TAS2R1: variants seen among roughly 807,000 people sequenced by gnomAD.
TAS2R1 encodes taste 2 receptor member 1.
For missense variants in TAS2R1, 370 were observed against 353.4 expected, an observed-to-expected ratio of 1.05 and a Z score of -0.38; for synonymous variants, 141 against 134.2, an observed-to-expected ratio of 1.05 and a Z score of -0.35.
the TAS2R1 span, among the ~76,000 whole-genome samples, chr5:9,744,426 T>C: frequency 6.6e-6 from 1 of 152,206 alleles, no homozygotes; most frequent in Non-Finnish European, 1.5e-5. Context: ...AACCCAACTA[T>C]TCTTTTCAAC....
At chr5:9,769,245 G>C in the TAS2R1 span, among the ~76,000 whole-genome samples, 1 of 152,018 alleles carries the variant, frequency 6.6e-6, no homozygotes, top group Non-Finnish European at 1.5e-5. Flanking sequence ...CAAATGACAG[G>C]ATCTCATTCT....
At chr5:9,812,830 C>T in the TAS2R1 span, among the ~76,000 whole-genome samples, 1 of 152,242 alleles carries the variant, frequency 6.6e-6, no homozygotes, top group South Asian at 2.1e-4. Context: ...ACCATGCCTC[C>T]CAGTTTTTTT....
chr5:9,830,062 C>A, the TAS2R1 span, among the ~76,000 whole-genome samples: 1 of 152,084 alleles, frequency 6.6e-6, no homozygotes, highest in Non-Finnish European at 1.5e-5. Flanking sequence ...AGGTGGGAGG[C>A]CACAAGCATT....
chr5:9,682,302 G>C (rs1741009157), intron 1 of TAS2R1, among the ~76,000 whole-genome samples: 1 of 152,218 alleles, frequency 6.6e-6, no homozygotes. Flanking sequence ...TAGCTAAGCA[G>C]CTTTTTAATA....
rs191214941 is a variant in TAS2R1 at position 9,652,846 on chromosome 5, A to G, written c.-81+6575T>C. 2.2e-3 allele frequency among the ~76,000 whole-genome samples: 328 copies of G among 152,046 alleles called. 1 individual carries two copies. The highest frequency in any genetic ancestry group is 7.7e-3 in the African/African-American group (317 of 41,370). On this transcript the variant is annotated intron_variant, in intron 2 of 2. Coordinates refer to the TAS2R1 transcript ENST00000506620. ...TATGCATTTTTCTTCTGTTGCATTT[A>G]CTTTTCTAAAAAATATTATTTTAAT...
intron 2 of TAS2R1, among the ~76,000 whole-genome samples, chr5:9,650,202 G>T (rs567865517): frequency 1.3e-5 from 2 of 152,092 alleles, no homozygotes; most frequent in African/African-American, 4.8e-5. Flanking sequence ...ATATTCTAAC[G>T]TTGCTTAAGA....
intron 1 of TAS2R1, among the ~76,000 whole-genome samples, chr5:9,692,250 C>A (rs1741261249): frequency 6.6e-6 from 1 of 152,190 alleles, no homozygotes; most frequent in African/African-American, 2.4e-5. Flanking sequence ...CAGAGGCCAA[C>A]TATATACATA....
At chr5:9,812,089 T>C in the TAS2R1 span, among the ~76,000 whole-genome samples, 11 of 152,130 alleles carry the variant, frequency 7.2e-5, no homozygotes, top group African/African-American at 2.7e-4. Flanking sequence ...TTATTTTCTA[T>C]GAATTCACCC....
Position 9,640,670 on chromosome 5 carries a change from G to T in TAS2R1, c.-80-10678C>A, listed in dbSNP as rs943956699. Among the ~76,000 whole-genome samples, 8 of 152,124 alleles carry T rather than the reference G, an allele frequency of 5.3e-5. No individual in the cohort carries two copies. In the East Asian group the frequency reaches 1.5e-3, roughly 29 times the overall value. ...TATCACTGCACCTGTCCTTTCTATT[G>T]CAAATCTTGGTTAACCCACCTGCGC... is the stretch of plus-strand genomic sequence containing the variant. On this transcript the variant is annotated intron_variant, in intron 2 of 2. Transcript: ENST00000506620.
At chr5:9,737,420 C>A in the TAS2R1 span, among the ~76,000 whole-genome samples, 1 of 152,218 alleles carries the variant, frequency 6.6e-6, no homozygotes, top group South Asian at 2.1e-4. Context: ...TCAATTATAA[C>A]AATGTCATAA....
chr5:9,742,122 T>C, the TAS2R1 span, among the ~76,000 whole-genome samples: 1 of 152,010 alleles, frequency 6.6e-6, no homozygotes, highest in African/African-American at 2.4e-5. Flanking sequence ...TGACCTCAGG[T>C]GATCTGCCCG....
At chr5:9,660,748 T>C (rs766851164) in intron 1 of TAS2R1, among the ~76,000 whole-genome samples, 9 of 152,178 alleles carry the variant, frequency 5.9e-5, no homozygotes, top group Non-Finnish European at 1.3e-4. Flanking sequence ...TCTGAGTGGA[T>C]CCAGTCTAAT....
intron 2 of TAS2R1, among the ~76,000 whole-genome samples, chr5:9,638,129 GCTCT>G (rs1175067392): frequency 6.6e-6 from 1 of 152,204 alleles, no homozygotes; most frequent in East Asian, 1.9e-4. Context: ...TCAATGTGGT[GCTCT>G]CTTTCTTTCC....
chr5:9,648,736 G>A (rs1280317011), intron 2 of TAS2R1, among the ~76,000 whole-genome samples: 1 of 151,976 alleles, frequency 6.6e-6, no homozygotes, highest in Non-Finnish European at 1.5e-5. Flanking sequence ...TAACAATCTT[G>A]GCCCTTAACT....
the TAS2R1 span, among the ~76,000 whole-genome samples, chr5:9,731,879 T>C: frequency 6.6e-6 from 1 of 152,226 alleles, no homozygotes; most frequent in African/African-American, 2.4e-5. Context: ...GTTTAGTTGT[T>C]GACATGTAGC....
intron 1 of TAS2R1, among the ~76,000 whole-genome samples, chr5:9,691,039 G>A (rs557510408): frequency 3.9e-5 from 6 of 152,264 alleles, no homozygotes; most frequent in African/African-American, 1.2e-4. Context: ...TTGGATGATG[G>A]TCCCCAGAAA....
chr5:9,761,173 A>G, the TAS2R1 span, among the ~76,000 whole-genome samples: 1 of 152,208 alleles, frequency 6.6e-6, no homozygotes, highest in Non-Finnish European at 1.5e-5. Context: ...AAAAATGTTC[A>G]CCCAAATAAA....
At chr5:9,702,794 G>C (rs889773013) in intron 1 of TAS2R1, among the ~76,000 whole-genome samples, 1 of 152,072 alleles carries the variant, frequency 6.6e-6, no homozygotes, top group African/African-American at 2.4e-5. Flanking sequence ...CAGAGGACTG[G>C]TGGAGAGAAA....
At chr5:9,833,784 G>T in the TAS2R1 span, among the ~76,000 whole-genome samples, 1 of 152,146 alleles carries the variant, frequency 6.6e-6, no homozygotes, top group Admixed American at 6.5e-5. Flanking sequence ...GTCAAGAATA[G>T]TTGAATATTG....
Sources: allele counts gnomAD v4.1 joint callset (sites outside exome capture counted in the v4.1 genomes callset), GRCh38; gene constraint gnomAD v4.1.1; transcripts MANE v1.5; gene names NCBI Gene and HGNC (gene_info 2026-07-23, HGNC 2026-07-21).